KANK1: variants seen among roughly 807,000 people sequenced by gnomAD.
KANK1 encodes KN motif and ankyrin repeat domain-containing protein 1.
A neutral mutation model predicts 106.2 loss-of-function variants in KANK1; 109 were observed. The observed-to-expected ratio is 1.03, with a 90% CI of 0.88 to 1.20. The LOEUF is 1.20. Among genes scored for constraint, KANK1 ranks in the 50% most tolerant of loss-of-function variants. The pLI is 0.00. For missense variants in KANK1, 2,399 were observed against 1,710.7 expected (o/e 1.40, Z -7.10); for synonymous variants, 873 against 652.2 (o/e 1.34, Z -5.16).
At chr9:519,038 G>C (rs1485944714) in intron 1 of KANK1, among the ~76,000 whole-genome samples, 1 of 151,528 alleles carries the variant, frequency 6.6e-6, no homozygotes, top group Non-Finnish European at 1.5e-5. Context: ...TTACAGGCAT[G>C]CACCACCAGG....
intron 1 of KANK1, among the ~76,000 whole-genome samples, chr9:669,569 G>C (rs747637899): frequency 6.6e-6 from 1 of 151,970 alleles, no homozygotes; most frequent in African/African-American, 2.4e-5. Flanking sequence ...CCTGACTTAC[G>C]GTTTCCATTG....
chr9:617,304 C>G (rs961098800), intron 1 of KANK1, among the ~76,000 whole-genome samples: 7 of 152,132 alleles, frequency 4.6e-5, no homozygotes, highest in South Asian at 2.1e-4. Flanking sequence ...TTTTCAAAAC[C>G]AGACATGTCT....
chr9:668,787 C>T (rs1156474166), intron 1 of KANK1, among the ~76,000 whole-genome samples: 1 of 152,066 alleles, frequency 6.6e-6, no homozygotes, highest in Admixed American at 6.5e-5. Flanking sequence ...ACATTTTTTC[C>T]ATAGATCAGG....
intron 3 of KANK1, among the ~76,000 whole-genome samples, chr9:486,738 AAAAT>A (rs769998798): frequency 1.2e-4 from 19 of 152,230 alleles, no homozygotes; most frequent in Non-Finnish European, 1.8e-4. Flanking sequence ...TCATTATAAA[AAAAT>A]AAAAAGCAAA....
At chr9:739,318 A>T (rs1314541822) in intron 8 of KANK1, among the ~76,000 whole-genome samples, 2 of 152,174 alleles carry the variant, frequency 1.3e-5, no homozygotes, top group East Asian at 3.8e-4. Flanking sequence ...ATTAATGAGG[A>T]TGTAGTGTGA....
chr9:540,122 G>A (rs2060516007), intron 1 of KANK1, among the ~76,000 whole-genome samples: 1 of 152,188 alleles, frequency 6.6e-6, no homozygotes, highest in Non-Finnish European at 1.5e-5. Flanking sequence ...TGATCTTAGA[G>A]GAAAGGCTTT....
chr9:593,655 T>C (rs1392566486), intron 1 of KANK1, among the ~76,000 whole-genome samples: 1 of 151,820 alleles, frequency 6.6e-6, no homozygotes, highest in Non-Finnish European at 1.5e-5. Context: ...TCGTTGGATG[T>C]AATCTTACAG....
chr9:634,074 C>A (rs1047448522), intron 1 of KANK1, among the ~76,000 whole-genome samples: 1 of 152,116 alleles, frequency 6.6e-6, no homozygotes, highest in Non-Finnish European at 1.5e-5. Flanking sequence ...TGTAATTGCC[C>A]AATTGCACAC....
At chr9:664,180 T>G (rs958904323) in intron 1 of KANK1, among the ~76,000 whole-genome samples, 9 of 152,336 alleles carry the variant, frequency 5.9e-5, no homozygotes, top group African/African-American at 1.9e-4. Flanking sequence ...TTATTTCTTC[T>G]AAGTGTATTT....
At position 711,308 on chromosome 9, in the gene KANK1, G is replaced by C; in HGVS notation, c.542G>C (p.Arg181Thr). 4 of 1,614,148 alleles carry C rather than the reference G, an allele frequency of 2.5e-6. No homozygotes were observed. The highest frequency in any genetic ancestry group is 3.4e-6 in the Non-Finnish European group (4 of 1,180,044). The change falls in exon 3 of 12, where the codon AGG becomes ACG. Residue 181 changes from arginine (R) to threonine (T), a missense_variant. Transcript: ENST00000382297. ...TMQMTPGEFRRPRLASFGGMG... is the reference protein window; with the variant it reads ...TMQMTPGEFRTPRLASFGGMG... The stretch of plus-strand genomic sequence containing the variant: ...CAGATGACACCGGGTGAGTTCAGAA[G>C]GCCCAGGCTGGCCAGTTTTGGAGGC...
chr9:664,464 TTTA>T (rs1844107758), intron 1 of KANK1, among the ~76,000 whole-genome samples: 2 of 152,298 alleles, frequency 1.3e-5, no homozygotes, highest in South Asian at 4.1e-4. Context: ...TTTTTAAATA[TTTA>T]TTATTATTTT....
intron 1 of KANK1, among the ~76,000 whole-genome samples, chr9:607,432 C>G (rs1387426918): frequency 2.0e-5 from 3 of 146,394 alleles, no homozygotes; most frequent in Non-Finnish European, 4.4e-5. Context: ...TTGCAGTGAG[C>G]CAAGATCGTG....
intron 1 of KANK1, chr9:549,559 C>T (rs1452146756): frequency 1.3e-5 from 2 of 152,214 alleles, no homozygotes; most frequent in African/African-American, 2.4e-5. Flanking sequence ...CTTCCTTTTC[C>T]TATTCTGGCT....
chr9:501,640 A>ACC (rs941202757), upstream of KANK1, among the ~76,000 whole-genome samples: 54 of 150,244 alleles, frequency 3.6e-4, no homozygotes, highest in East Asian at 2.9e-3. Flanking sequence ...ACACACACAC[A>ACC]CCCCAATTGC....
intron 1 of KANK1, among the ~76,000 whole-genome samples, chr9:521,828 A>G (rs2059569390): frequency 6.6e-6 from 1 of 151,642 alleles, no homozygotes; most frequent in South Asian, 2.1e-4. Flanking sequence ...TCAGCCTGCC[A>G]AAGTGCTGGG....
intron 1 of KANK1, among the ~76,000 whole-genome samples, chr9:567,391 T>C (rs1056635725): frequency 6.6e-6 from 1 of 152,200 alleles, no homozygotes; most frequent in Non-Finnish European, 1.5e-5. Flanking sequence ...CTTTACAAAG[T>C]TGATTTAGTT....
intron 8 of KANK1, among the ~76,000 whole-genome samples, chr9:740,053 AACTTC>A (rs1564130559): frequency 1.3e-5 from 2 of 152,180 alleles, no homozygotes; most frequent in Non-Finnish European, 2.9e-5. Context: ...TGAACATTTT[AACTTC>A]ATATTTGGTC....
At chr9:629,032 T>A (rs1835037153) in intron 1 of KANK1, among the ~76,000 whole-genome samples, 1 of 145,488 alleles carries the variant, frequency 6.9e-6, no homozygotes, top group Admixed American at 7.1e-5. Flanking sequence ...TGAGCCAAGA[T>A]CATGCCACCG....
intron 1 of KANK1, among the ~76,000 whole-genome samples, chr9:628,170 C>T (rs1406327130): frequency 1.3e-5 from 2 of 152,158 alleles, no homozygotes; most frequent in African/African-American, 4.8e-5. Context: ...CTCTTGAAGT[C>T]CGAAAACAAG....
Sources: gnomAD v4.1 joint callset for allele counts (sites outside exome capture counted in the v4.1 genomes callset) on GRCh38, gnomAD v4.1.1 for gene constraint, MANE v1.5 for transcripts, NCBI Gene and HGNC (gene_info 2026-07-23, HGNC 2026-07-21) for gene names.